Variants in CNTNAP5 observed in about 807,000 individuals in gnomAD.
The protein encoded by CNTNAP5 is contactin associated protein family member 5.
CNTNAP5 carries 72 observed loss-of-function variants against 150.2 expected under a neutral mutation model. The ratio of observed to expected loss-of-function variants is 0.48; its 90% CI spans 0.40 to 0.58. The LOEUF (loss-of-function observed/expected upper bound fraction) is 0.58. Among genes scored for constraint, CNTNAP5 ranks in the 20% least tolerant of loss-of-function variants. The pLI, the probability that CNTNAP5 is intolerant of heterozygous loss-of-function variation, is 0.00. For synonymous variants in CNTNAP5, 672 were observed against 619.8 expected, an observed-to-expected ratio of 1.08 and a Z score of -1.25; for missense variants, 1,636 against 1,626.2, an observed-to-expected ratio of 1.01 and a Z score of -0.10.
At chr2:124,523,932 G>T (rs1286091688) in intron 8 of CNTNAP5, among the ~76,000 whole-genome samples, 1 of 150,454 alleles carries the variant, frequency 6.6e-6, no homozygotes, top group Admixed American at 6.6e-5. Context: ...AGTTAAAATT[G>T]CTGGTAATAT....
intron 1 of CNTNAP5, among the ~76,000 whole-genome samples, chr2:124,125,546 A>C (rs771878371): frequency 3.3e-5 from 5 of 152,110 alleles, no homozygotes; most frequent in Admixed American, 6.5e-5. Context: ...TTGAACTCAG[A>C]TCTGCACCAA....
At chr2:124,209,381 G>A (rs1161638311) in intron 1 of CNTNAP5, among the ~76,000 whole-genome samples, 1 of 152,174 alleles carries the variant, frequency 6.6e-6, no homozygotes, top group Admixed American at 6.5e-5. Flanking sequence ...TCCTGGCTGA[G>A]ATGATTTTTG....
At chr2:124,845,718 G>A (rs1327328098) in intron 19 of CNTNAP5, among the ~76,000 whole-genome samples, 2 of 151,974 alleles carry the variant, frequency 1.3e-5, no homozygotes, top group African/African-American at 4.8e-5. Context: ...ATCTAGGACG[G>A]TTGTGTATTT....
chr2:124,610,939 G>C (rs1677370595), intron 12 of CNTNAP5, among the ~76,000 whole-genome samples: 1 of 125,630 alleles, frequency 8.0e-6, no homozygotes, highest in Non-Finnish European at 1.7e-5. Context: ...CCTGCGACAG[G>C]GCGAGACACC....
intron 4 of CNTNAP5, among the ~76,000 whole-genome samples, chr2:124,428,211 C>T (rs1350713656): frequency 6.6e-6 from 1 of 152,146 alleles, no homozygotes; most frequent in Non-Finnish European, 1.5e-5. Context: ...GCCTGACTGC[C>T]TCTTATGTCT....
intron 1 of CNTNAP5, among the ~76,000 whole-genome samples, chr2:124,205,346 A>G (rs1451567478): frequency 2.0e-5 from 3 of 152,038 alleles, no homozygotes; most frequent in Non-Finnish European, 2.9e-5. Context: ...TTCCTCTTCT[A>G]TCATAATTGT....
At chr2:124,498,314 C>A (rs1694199774) in intron 7 of CNTNAP5, among the ~76,000 whole-genome samples, 1 of 152,102 alleles carries the variant, frequency 6.6e-6, no homozygotes, top group Admixed American at 6.5e-5. Flanking sequence ...AAGTTGCAAC[C>A]ATTGTAGTTC....
In CNTNAP5 at chr2:124,432,081, T is replaced by C. The variant is rs556316379; in HGVS notation, c.530-2403T>C. Reference sequence around the variant, plus strand: ...GGTATGAGTGAGTGGACAGGATGTATATAATTTGTGGATGGTGATTCTCAC... The same window carrying C: ...GGTATGAGTGAGTGGACAGGATGTACATAATTTGTGGATGGTGATTCTCAC... On this transcript the variant is annotated intron_variant, in intron 4 of 23. Transcript: ENST00000682447. 2.6e-5 allele frequency among the ~76,000 whole-genome samples: 4 copies of C among 152,252 alleles called. No homozygotes were observed. In the East Asian group the frequency reaches 7.7e-4, roughly 29 times the overall value.
In CNTNAP5 at chr2:124,558,844, C is replaced by T. The variant is rs141824669; in HGVS notation, c.1650-4373C>T. On this transcript the variant is annotated intron_variant, in intron 10 of 23. Coordinates refer to ENST00000682447, the MANE Select transcript of CNTNAP5 (RefSeq NM_001367498.1). ...CTTCTTAAGGCTGACCTAGAGAGAG[C>T]ATGTTCTGCTGAAAGTGTGCTTGCC... Among the ~76,000 whole-genome samples, 32 of 152,220 alleles carry T rather than the reference C, an allele frequency of 2.1e-4. No homozygotes were observed. In the East Asian group the frequency reaches 6.0e-3, roughly 29 times the overall value.
At chr2:124,225,321 T>C (rs1573849690) in intron 2 of CNTNAP5, among the ~76,000 whole-genome samples, 2 of 152,156 alleles carry the variant, frequency 1.3e-5, no homozygotes, top group East Asian at 3.9e-4. Context: ...AGGAAAGCAA[T>C]GGCCATGCCC....
intron 4 of CNTNAP5, among the ~76,000 whole-genome samples, chr2:124,424,967 A>C (rs570624645): frequency 6.6e-6 from 1 of 152,342 alleles, no homozygotes; most frequent in East Asian, 1.9e-4. Flanking sequence ...CGATATTGCT[A>C]TTATTCCTGT....
At chr2:124,259,172 A>G (rs13007929) in intron 3 of CNTNAP5, among the ~76,000 whole-genome samples, 42,455 of 151,802 alleles carry the variant, frequency 0.28, 6,175 homozygotes, top group South Asian at 0.48. Context: ...CCATGTCCCT[A>G]CAAAGGACAT....
intron 1 of CNTNAP5, among the ~76,000 whole-genome samples, chr2:124,208,777 TACA>T (rs1685929617): frequency 6.6e-6 from 1 of 152,220 alleles, no homozygotes; most frequent in African/African-American, 2.4e-5. Context: ...ATTCTCGTGT[TACA>T]ACAATAGGAT....
At chr2:124,115,201 A>G (rs995879140) in intron 1 of CNTNAP5, among the ~76,000 whole-genome samples, 3 of 152,178 alleles carry the variant, frequency 2.0e-5, no homozygotes, top group African/African-American at 4.8e-5. Flanking sequence ...TCATAGATGT[A>G]CAATTCAAAT....
intron 3 of CNTNAP5, among the ~76,000 whole-genome samples, chr2:124,383,264 G>A (rs1469586461): frequency 6.6e-6 from 1 of 152,168 alleles, no homozygotes; most frequent in East Asian, 1.9e-4. Flanking sequence ...ACCTGATTTA[G>A]TCTCCCATCA....
chr2:124,033,281 T>C (rs1681114132), intron 1 of CNTNAP5, among the ~76,000 whole-genome samples: 1 of 152,172 alleles, frequency 6.6e-6, no homozygotes, highest in East Asian at 1.9e-4. Flanking sequence ...TGAGTTATAT[T>C]ATTTTTAACT....
intron 1 of CNTNAP5, among the ~76,000 whole-genome samples, chr2:124,113,499 C>CAT (rs1293065502): frequency 1.7e-5 from 2 of 119,154 alleles, no homozygotes; most frequent in Non-Finnish European, 1.7e-5. Context: ...TCAACTGATA[C>CAT]ATATATATGT....
At chr2:124,461,933 T>C (rs1428353429) in intron 6 of CNTNAP5, among the ~76,000 whole-genome samples, 1 of 150,206 alleles carries the variant, frequency 6.7e-6, no homozygotes, top group Non-Finnish European at 1.5e-5. Context: ...AAGATTAAAA[T>C]ATTTGTCTCA....
chr2:124,419,661 G>A lies in CNTNAP5; in HGVS notation c.529+2071G>A, dbSNP rs561269667. 3.7e-4 allele frequency among the ~76,000 whole-genome samples: 57 copies of A among 152,288 alleles called. No homozygotes were observed. The Middle Eastern group carries it at 0.014, about 36-fold the overall frequency. On this transcript the variant is annotated intron_variant, in intron 4 of 23. Transcript: ENST00000682447. The stretch of plus-strand genomic sequence containing the variant: ...AGGTCAACCTCACCAATAATGGGAA[G>A]TTAACAACCTTGGGGAGTTGTCGGA...
Sources: gnomAD v4.1 joint callset for allele counts (sites outside exome capture counted in the v4.1 genomes callset) on GRCh38, gnomAD v4.1.1 for gene constraint, MANE v1.5 for transcripts, NCBI Gene and HGNC (gene_info 2026-07-23, HGNC 2026-07-21) for gene names.